The following DTX2 variants were observed in gnomAD, a reference collection of about 807,000 sequenced individuals.
The protein encoded by DTX2 is deltex E3 ubiquitin ligase 2, also known as probable E3 ubiquitin-protein ligase DTX2.
Under a neutral mutation model 55.3 loss-of-function variants are expected in DTX2, and 29 were observed. The observed-to-expected ratio is 0.52, with a 90% CI of 0.39 to 0.71. DTX2 has a LOEUF of 0.71. Ranked by LOEUF, DTX2 falls within the 30% of genes least tolerant of loss-of-function variation. DTX2 has a pLI of 0.00. For missense variants in DTX2, 537 were observed against 822.5 expected (o/e 0.65, Z 4.25); for synonymous variants, 276 against 340.4 (o/e 0.81, Z 2.08).
chr7:76,475,460 G>C (rs1026691807), intron 2 of DTX2, among the ~76,000 whole-genome samples: 1 of 149,032 alleles, frequency 6.7e-6, no homozygotes, highest in African/African-American at 2.5e-5. Context: ...GCTGAGGCGG[G>C]TGGATCACTT....
chr7:76,482,608 C>T lies in DTX2; in HGVS notation c.369C>T (p.Ala123=). ...EWLSDDGSWT[A]YEASVCDYLE... is the part of the protein sequence containing the mutation. ...TGAGCGACGATGGCTCCTGGACTGC[C>T]TATGAAGCCAGCGTCTGTGACTATC... Residue 123 remains alanine (A), a synonymous_variant, in exon 4 of 11, where the codon GCC becomes GCT. Coordinates refer to ENST00000430490, the MANE Select transcript of DTX2 (RefSeq NM_001102594.3). The T allele has an allele frequency of 6.8e-6, 11 of 1,613,844 alleles. No individual in the cohort carries two copies. Among genetic ancestry groups the T allele is most frequent in the Non-Finnish European group, 7.6e-6 (9 of 1,179,840 alleles).
chr7:76,483,047 G>A lies in DTX2; in HGVS notation c.808G>A (p.Ala270Thr). 6.2e-7 allele frequency: 1 copy of A among 1,613,402 alleles called. No homozygotes were observed. The highest frequency in any genetic ancestry group is 8.5e-7 in the Non-Finnish European group (1 of 1,179,722). Reference sequence around the variant, plus strand: ...GAACACCACCAACGCCTGGGGCGCAGCTCCTCCTTCCCTGGGGAGCCAGCC... The same window carrying A: ...GAACACCACCAACGCCTGGGGCGCAACTCCTCCTTCCCTGGGGAGCCAGCC... The part of the protein sequence containing the change: ...RLNTTNAWGA[A>T]PPSLGSQPLY... Residue 270 changes from alanine to threonine, a missense_variant, in exon 4 of 11, where the codon GCT becomes ACT. Physicochemically the swap from Ala to Thr is moderately conservative, Grantham distance 58. Transcript: ENST00000430490.
chr7:76,475,589 C>A (rs1275116285), intron 2 of DTX2, among the ~76,000 whole-genome samples: 6 of 133,254 alleles, frequency 4.5e-5, no homozygotes, highest in Admixed American at 7.5e-5. Context: ...TGGGAGGCTG[C>A]AGCAGGAGAA....
At position 76,488,262 on chromosome 7, in the gene DTX2, G is replaced by C. The variant is rs1455645068; in HGVS notation, c.909-3891G>C. Among the ~76,000 whole-genome samples, 2 of 80,390 alleles carry C rather than the reference G, an allele frequency of 2.5e-5. 1 individual carries two copies. The highest frequency in any genetic ancestry group is 5.0e-5 in the Non-Finnish European group (2 of 40,054). 52.7% of individuals were successfully genotyped at this position (80,390 alleles called of 152,430 possible). ...GCAAGGACTTCTTGTTCGTTCTTTA[G>C]GAACGGAAGCAAACGTTCTCGTTCA... is the stretch of plus-strand genomic sequence containing the variant. On this transcript the variant is annotated intron_variant, in intron 4 of 10. Coordinates refer to ENST00000430490, the MANE Select transcript of DTX2 (RefSeq NM_001102594.3).
intron 9 of DTX2, among the ~76,000 whole-genome samples, chr7:76,503,841 G>A (rs1318740139): frequency 1.3e-5 from 2 of 150,308 alleles, no homozygotes; most frequent in Non-Finnish European, 3.0e-5. Context: ...CTTCCTAGAG[G>A]AGGAGCCATC....
intron 8 of DTX2, 103 bp from the exon 9 acceptor site, chr7:76,503,323 G>A (rs1811946902): frequency 7.4e-7 from 1 of 1,354,582 alleles, no homozygotes; most frequent in African/African-American, 1.5e-5. Context: ...CCCTGGGATG[G>A]TGGCCAGCCC....
intron 6 of DTX2, among the ~76,000 whole-genome samples, chr7:76,499,542 G>T (rs1441689930): frequency 6.6e-6 from 1 of 151,116 alleles, no homozygotes; most frequent in African/African-American, 2.4e-5. Flanking sequence ...TGGGACGACC[G>T]CAGCCCCACC....
At chr7:76,491,234 G>C (rs1173621494) in intron 4 of DTX2, among the ~76,000 whole-genome samples, 1 of 151,012 alleles carries the variant, frequency 6.6e-6, no homozygotes, top group Non-Finnish European at 1.5e-5. Flanking sequence ...CTGACCTCGC[G>C]ATCCACCCAC....
At position 76,501,787 on chromosome 7, in the gene DTX2, A is replaced by G. The variant is rs544147973; in HGVS notation, c.1231-511A>G. 197 of 175,232 alleles carry G rather than the reference A, an allele frequency of 1.1e-3. 1 individual carries two copies. Among genetic ancestry groups the G allele is most frequent in the South Asian group, 2.8e-3 (22 of 7,992 alleles). The allele number at this position is 175,232 out of a possible 1,614,324, so 10.9% of individuals were successfully genotyped here. ...GGATCCTGCCCTGTCCGTCCTCCCCATTTGGTGGCTTCTGCTGTCATGTCG... is the reference window on the plus strand; with the variant it reads ...GGATCCTGCCCTGTCCGTCCTCCCCGTTTGGTGGCTTCTGCTGTCATGTCG... On this transcript the variant is annotated intron_variant, in intron 7 of 10. Coordinates refer to ENST00000430490, the MANE Select transcript of DTX2 (RefSeq NM_001102594.3).
chr7:76,468,780 T>TTTTTG (rs1807498793), intron 2 of DTX2, among the ~76,000 whole-genome samples: 2 of 115,214 alleles, frequency 1.7e-5, no homozygotes, highest in Non-Finnish European at 3.4e-5. Flanking sequence ...TTTTTTTTTT[T>TTTTTG]GAGGCAGGGT....
intron 4 of DTX2, among the ~76,000 whole-genome samples, chr7:76,490,640 G>C (rs1182788105): frequency 7.4e-6 from 1 of 135,258 alleles, no homozygotes; most frequent in Admixed American, 7.6e-5. Context: ...TTTTGACAGA[G>C]TCTCCAGCCT....
intron 7 of DTX2, 185 bp from the exon 8 acceptor site, chr7:76,502,113 C>G: frequency 1.8e-6 from 1 of 565,588 alleles, no homozygotes; most frequent in South Asian, 2.6e-5. Flanking sequence ...CCTCAAATTC[C>G]TGACCTCAAG....
rs567455041 is a variant in DTX2, at chr7:76,505,765, C to T, written c.*164C>T. On this transcript the variant is annotated 3_prime_UTR_variant, in exon 11 of 11. Transcript: ENST00000430490. The surrounding 1 kb of genome is among the most constrained non-coding windows in gnomAD (Gnocchi z 4.4). Reference sequence around the variant, plus strand: ...CTCCCCCTGCCTGCCTCTCTCTCCTCCTCCCCTCTGGGAATTGGGCAGCCC... The same window carrying T: ...CTCCCCCTGCCTGCCTCTCTCTCCTTCTCCCCTCTGGGAATTGGGCAGCCC... The T allele has an allele frequency of 8.8e-5, 65 of 741,256 alleles. 2 individuals carry two copies. In the South Asian group the frequency reaches 1.0e-3, roughly 12 times the overall value. 45.9% of individuals were successfully genotyped at this position (741,256 alleles called of 1,614,324 possible).
In DTX2 at chr7:76,467,873, G is replaced by A. The variant is rs537443812; in HGVS notation, c.-90+4164G>A. Reference sequence around the variant, plus strand: ...TTAAGAGATGAGTAAGTGGACAAGTGCGATGGGCATTCTCAGTGGGGGACG... The same window carrying A: ...TTAAGAGATGAGTAAGTGGACAAGTACGATGGGCATTCTCAGTGGGGGACG... On this transcript the variant is annotated intron_variant, in intron 2 of 10. Coordinates refer to ENST00000430490, the MANE Select transcript of DTX2 (RefSeq NM_001102594.3). Among the ~76,000 whole-genome samples the A allele has an allele frequency of 7.9e-5, 12 of 152,308 alleles. No individual in the cohort carries two copies. The South Asian group carries it at 1.7e-3, about 21-fold the overall frequency.
In DTX2 at chr7:76,475,701, G is replaced by A. The variant is rs1039645599; in HGVS notation, c.-89-4720G>A. On this transcript the variant is annotated intron_variant, in intron 2 of 10. Coordinates refer to ENST00000430490, the MANE Select transcript of DTX2 (RefSeq NM_001102594.3). The stretch of plus-strand genomic sequence containing the variant: ...GCTCCTTCTCAAAAATAAAAAAAAA[G>A]AAAAAAAATCCCATAATTCTTTGAT... Among the ~76,000 whole-genome samples, 6 of 150,714 alleles carry A rather than the reference G, an allele frequency of 4.0e-5. No individual in the cohort carries two copies. The East Asian group carries it at 5.9e-4, about 15-fold the overall frequency.
chr7:76,497,552 A>G lies in DTX2; in HGVS notation c.1150+75A>G. ...GCCTCGCTGCCTCTGACTCTTCTGC[A>G]CAGACCCTCTTCCTTCTCTCTGCTC... is the stretch of plus-strand genomic sequence containing the variant. On this transcript the variant is annotated intron_variant, in intron 6 of 10. Transcript: ENST00000430490. 2 of 677,292 alleles carry G rather than the reference A, an allele frequency of 3.0e-6. 1 individual carries two copies. Among genetic ancestry groups the G allele is most frequent in the Non-Finnish European group, 4.3e-6 (2 of 461,934 alleles). 42.0% of individuals were successfully genotyped at this position (677,292 alleles called of 1,614,324 possible). A position where few individuals can be genotyped will look rare whatever the true frequency, so the allele number is the denominator to read the frequency against.
intron 2 of DTX2, chr7:76,476,936 T>A (rs1808611300): frequency 6.6e-6 from 1 of 152,244 alleles, no homozygotes; most frequent in Non-Finnish European, 1.5e-5. Flanking sequence ...TCGCCTGTAT[T>A]TCCCAGGCTG....
chr7:76,480,803 A>G (rs1481036661), intron 3 of DTX2, 26 bp downstream of exon 3: 4 of 1,556,728 alleles, frequency 2.6e-6, no homozygotes, highest in East Asian at 2.3e-5. Context: ...CCTCTCGCAC[A>G]TATCTGGGTG....
chr7:76,477,292 C>T (rs1808655961), intron 2 of DTX2: 1 of 145,518 alleles, frequency 6.9e-6, no homozygotes, highest in Admixed American at 6.9e-5. Flanking sequence ...GCAGGCCTGA[C>T]TCACCTGTGT....
Sources: gnomAD v4.1 joint callset for allele counts (sites outside exome capture counted in the v4.1 genomes callset) on GRCh38, gnomAD v4.1.1 for gene constraint, Gnocchi (gnomAD v3.1) non-coding constraint, MANE v1.5 for transcripts, NCBI Gene and HGNC (gene_info 2026-07-23, HGNC 2026-07-21) for gene names.